The following ZNF717 variants were observed in gnomAD, a reference collection of about 807,000 sequenced individuals.
ZNF717 encodes krueppel-like factor X17.
Under a neutral mutation model 13.8 loss-of-function variants are expected in ZNF717, and 9 were observed. The observed-to-expected ratio is 0.65, with a 90% CI of 0.39 to 1.14. The LOEUF is 1.14. ZNF717 is among the 50% of genes most tolerant of loss of function. ZNF717 has a pLI of 0.01. For synonymous variants in ZNF717, 327 were observed against 364.1 expected (o/e 0.90, Z 1.16); for missense variants, 1,040 against 1,080.7 (o/e 0.96, Z 0.53).
At position 75,737,349 on chromosome 3, in the gene ZNF717, A is replaced by T; in HGVS notation, c.2274T>A (p.Tyr758Ter). 1 of 1,396,530 alleles carries T rather than the reference A, an allele frequency of 7.2e-7. No homozygotes were observed. The highest frequency in any genetic ancestry group is 9.7e-7 in the Non-Finnish European group (1 of 1,026,496). The allele number at this position is 1,396,530 out of a possible 1,614,324, so 86.5% of individuals were successfully genotyped here. A position where few individuals can be genotyped will look rare whatever the true frequency, so the allele number is the denominator to read the frequency against. The change falls in exon 5 of 5, where the codon TAT becomes TAA. Residue 758 changes from tyrosine (Y) to a stop codon, truncating the protein, a stop_gained. Transcript: ENST00000652011. LOFTEE classifies it low-confidence loss of function (END_TRUNC). ...AGGTTTTCCCACACTCATTACATTCATAAGGTTTTTCTCCGGTATGGGTTC... is the reference window on the plus strand; with the variant it reads ...AGGTTTTCCCACACTCATTACATTCTTAAGGTTTTTCTCCGGTATGGGTTC... ...HHRTHTGEKP[Y>*]ECNECGKTFC... is the part of the protein sequence containing the mutation.
At chr3:75,760,764 CTAA>C (rs1455027737) in intron 2 of ZNF717, among the ~76,000 whole-genome samples, 228 of 111,410 alleles carry the variant, frequency 2.0e-3, no homozygotes, top group Admixed American at 3.0e-3. Flanking sequence ...GAAAAAAAAA[CTAA>C]TGACAAACCA....
downstream of ZNF717, among the ~76,000 whole-genome samples, chr3:75,704,756 C>A (rs1180726953): frequency 6.6e-6 from 1 of 152,298 alleles, no homozygotes; most frequent in Admixed American, 6.5e-5. Flanking sequence ...TGGAGGCTGC[C>A]CCAGGAAAGA....
rs186065538 is a variant in ZNF717 at position 75,769,163 on chromosome 3, G to C, written c.57+14143C>G. On this transcript the variant is annotated intron_variant, in intron 2 of 4. Transcript: ENST00000652011. The stretch of plus-strand genomic sequence containing the variant: ...TCTCAGTGATGAGTATGACTGGACA[G>C]TGTGACAGGAGAAATGCTCTGGGAC... Among the ~76,000 whole-genome samples, 1,051 of 152,260 alleles carry C rather than the reference G, an allele frequency of 6.9e-3. 6 individuals carry two copies. The highest frequency in any genetic ancestry group is 0.022 in the South Asian group (104 of 4,828).
intron 2 of ZNF717, among the ~76,000 whole-genome samples, chr3:75,746,031 ACC>A (rs1941140261): frequency 6.6e-6 from 1 of 151,510 alleles, no homozygotes. Flanking sequence ...TGCTCCCCCT[ACC>A]CCACAACAAG....
chr3:75,718,742 C>T (rs111985160), intron 4 of ZNF717, among the ~76,000 whole-genome samples: 2,541 of 152,206 alleles, frequency 0.017, 67 homozygotes, highest in Admixed American at 0.068. Context: ...GGTTCGTACT[C>T]CTATGAGAAT....
chr3:75,760,945 T>C (rs1378394439), intron 2 of ZNF717, among the ~76,000 whole-genome samples: 3 of 151,488 alleles, frequency 2.0e-5, no homozygotes, highest in Non-Finnish European at 4.4e-5. Context: ...AAATCATATA[T>C]AAAAGAGGTG....
intron 2 of ZNF717, among the ~76,000 whole-genome samples, chr3:75,765,498 C>T (rs905940705): frequency 2.0e-5 from 3 of 152,196 alleles, no homozygotes; most frequent in Non-Finnish European, 2.9e-5. Flanking sequence ...GCAGCCTCGA[C>T]CTCCCAGGCT....
At position 75,722,524 on chromosome 3, in the gene ZNF717, G is replaced by T. The variant is rs77409016; in HGVS notation, n.545-5983C>A. Among the ~76,000 whole-genome samples, 4 of 152,162 alleles carry T rather than the reference G, an allele frequency of 2.6e-5. No homozygotes were observed. The South Asian group carries it at 8.3e-4, about 32-fold the overall frequency. On this transcript the variant is annotated intron_variant and non_coding_transcript_variant, in intron 4 of 5. Coordinates refer to the ZNF717 transcript ENST00000491507. The stretch of plus-strand genomic sequence containing the variant: ...TGTAGAAAGGAAGAATAATTTAAAA[G>T]AATTTTTGGATGAGGTGTGGTGGCA...
intron 2 of ZNF717, among the ~76,000 whole-genome samples, chr3:75,751,644 G>C (rs796943329): frequency 6.6e-6 from 1 of 151,324 alleles, no homozygotes; most frequent in South Asian, 2.1e-4. Flanking sequence ...GCTGTGGTGT[G>C]AATGTTTGTC....
chr3:75,696,899 AAAAAAAAAAAAAAAAAAAC>A (rs1188674047), intron 6 of ZNF717, among the ~76,000 whole-genome samples: 4 of 138,668 alleles, frequency 2.9e-5, no homozygotes, highest in African/African-American at 5.3e-5. Flanking sequence ...TCTCAAAAAA[AAAAAAAAAAAAAAAAAAAC>A]AAGGACAAAA....
chr3:75,698,786 A>G (rs1401054026), intron 6 of ZNF717, among the ~76,000 whole-genome samples: 8 of 152,392 alleles, frequency 5.2e-5, no homozygotes, highest in Admixed American at 4.6e-4. Context: ...CAGGCTCCCC[A>G]CTGGGGCATG....
chr3:75,773,472 C>T (rs1193836705), intron 2 of ZNF717, among the ~76,000 whole-genome samples: 1 of 152,184 alleles, frequency 6.6e-6, no homozygotes, highest in Non-Finnish European at 1.5e-5. Context: ...GCAGAAGCTT[C>T]TAAAAAGATT....
downstream of ZNF717, among the ~76,000 whole-genome samples, chr3:75,727,933 G>T (rs370106524): frequency 6.6e-6 from 1 of 151,174 alleles, no homozygotes; most frequent in South Asian, 2.1e-4. Flanking sequence ...AAATTTCTTT[G>T]TACTCTTTAT....
At chr3:75,714,362 C>T (rs1453947916) in intron 5 of ZNF717, among the ~76,000 whole-genome samples, 2 of 152,176 alleles carry the variant, frequency 1.3e-5, no homozygotes, top group South Asian at 4.1e-4. Flanking sequence ...GACCAAGGAG[C>T]CCTTGTCTTC....
chr3:75,696,131 T>C, intron 6 of ZNF717, among the ~76,000 whole-genome samples: 1 of 152,312 alleles, frequency 6.6e-6, no homozygotes, highest in Non-Finnish European at 1.5e-5. Flanking sequence ...AAAGGAGACA[T>C]TACAAGAAAT....
intron 2 of ZNF717, among the ~76,000 whole-genome samples, chr3:75,756,660 T>G (rs1942509352): frequency 6.6e-6 from 1 of 151,866 alleles, no homozygotes; most frequent in South Asian, 2.1e-4. Flanking sequence ...TAAGCCTAAC[T>G]CTCCTTTTTC....
At chr3:75,727,938 CTT>C (rs1461091894), downstream of ZNF717, among the ~76,000 whole-genome samples, 7 of 152,232 alleles carry the variant, frequency 4.6e-5, no homozygotes, top group African/African-American at 1.7e-4. Flanking sequence ...TCTTTGTACT[CTT>C]TATTTCTCAG....
chr3:75,765,078 AT>A (rs1237662345), intron 2 of ZNF717, among the ~76,000 whole-genome samples: 1 of 146,478 alleles, frequency 6.8e-6, no homozygotes, highest in African/African-American at 2.5e-5. Flanking sequence ...AAGAAATGTT[AT>A]TCAGCCATAG....
At position 75,736,940 on chromosome 3, in the gene ZNF717, C is replaced by T; in HGVS notation, c.2683G>A (p.Glu895Lys). Residue 895 changes from glutamate (E) to lysine (K), a missense_variant, in exon 5 of 5, where the codon GAG becomes AAG. Transcript: ENST00000652011. ...LSRHQQTHIG[E>K]KSDVAEAGYV... is the part of the protein sequence containing the mutation. ...CCTGCCTCAGCTACGTCAGATTTCT[C>T]TCCTATATGGGTTTGTTGATGCCTG... 1 of 1,565,040 alleles carries T rather than the reference C, an allele frequency of 6.4e-7. No individual in the cohort carries two copies. The highest frequency in any genetic ancestry group is 1.2e-5 in the South Asian group (1 of 85,618).
Sources: allele counts gnomAD v4.1 joint callset (sites outside exome capture counted in the v4.1 genomes callset), GRCh38; gene constraint gnomAD v4.1.1; transcripts MANE v1.5; gene names NCBI Gene and HGNC (gene_info 2026-07-23, HGNC 2026-07-21).